CADM2: variants seen among roughly 807,000 people sequenced by gnomAD.
CADM2 encodes immunoglobulin superfamily member 4D.
In CADM2, 12 loss-of-function variants were observed where a neutral mutation model predicts 49.8. The ratio of observed to expected loss-of-function variants is 0.24; its 90% CI spans 0.15 to 0.39. The LOEUF (loss-of-function observed/expected upper bound fraction) is 0.39, where lower values mean the gene tolerates loss of function less well. Ranked by LOEUF, CADM2 falls within the 10% of genes least tolerant of loss-of-function variation. The probability of loss-of-function intolerance (pLI) is 1.00; values close to 1 mark genes in which losing one functional copy is unlikely to be tolerated. For missense variants in CADM2, 378 were observed against 492.3 expected, an observed-to-expected ratio of 0.77 and a Z score of 2.20; for synonymous variants, 214 against 175.4, an observed-to-expected ratio of 1.22 and a Z score of -1.74.
At chr3:84,962,337 T>G (rs1186512628) in intron 1 of CADM2, among the ~76,000 whole-genome samples, 1 of 151,858 alleles carries the variant, frequency 6.6e-6, no homozygotes, top group African/African-American at 2.4e-5. Flanking sequence ...CTTCTCATGT[T>G]TATGGCTGCC....
intron 1 of CADM2, among the ~76,000 whole-genome samples, chr3:85,678,418 A>G (rs989963218): frequency 2.6e-5 from 4 of 152,214 alleles, no homozygotes; most frequent in African/African-American, 9.6e-5. Context: ...GCTTTCAACT[A>G]GCACTGTTCA....
chr3:85,631,104 T>C (rs2064292247), intron 1 of CADM2, among the ~76,000 whole-genome samples: 1 of 152,052 alleles, frequency 6.6e-6, no homozygotes, highest in African/African-American at 2.4e-5. Flanking sequence ...GGGACTTTTG[T>C]TTTCCCTGTT....
At chr3:85,490,696 G>C (rs2039634776) in intron 1 of CADM2, among the ~76,000 whole-genome samples, 1 of 152,146 alleles carries the variant, frequency 6.6e-6, no homozygotes, top group Non-Finnish European at 1.5e-5. Flanking sequence ...ATGACCCACT[G>C]TTATTACTGA....
intron 1 of CADM2, among the ~76,000 whole-genome samples, chr3:85,327,791 A>T (rs757866991): frequency 6.6e-6 from 1 of 152,272 alleles, no homozygotes; most frequent in Admixed American, 6.5e-5. Flanking sequence ...TGTAATTCAT[A>T]CTGCTTCTTG....
At chr3:85,488,361 T>G (rs1559865330) in intron 1 of CADM2, among the ~76,000 whole-genome samples, 1 of 152,166 alleles carries the variant, frequency 6.6e-6, no homozygotes, top group Non-Finnish European at 1.5e-5. Flanking sequence ...AGATTTGATA[T>G]TTTTAAAAAC....
At chr3:85,095,942 A>G (rs1294406193) in intron 1 of CADM2, among the ~76,000 whole-genome samples, 1 of 151,988 alleles carries the variant, frequency 6.6e-6, no homozygotes, top group Non-Finnish European at 1.5e-5. Flanking sequence ...TGCAGTTGAG[A>G]TGGATGCTCG....
At chr3:85,896,633 T>TTA (rs1427314279) in intron 5 of CADM2, among the ~76,000 whole-genome samples, 1 of 152,200 alleles carries the variant, frequency 6.6e-6, no homozygotes, top group Non-Finnish European at 1.5e-5. Context: ...CATTATTTAC[T>TTA]TATTATATAC....
intron 1 of CADM2, among the ~76,000 whole-genome samples, chr3:85,307,742 A>G (rs1409341350): frequency 6.6e-6 from 1 of 151,738 alleles, no homozygotes; most frequent in Non-Finnish European, 1.5e-5. Context: ...TTATGCATAA[A>G]TATTTACATC....
chr3:85,074,862 G>A (rs2036882652), intron 1 of CADM2, among the ~76,000 whole-genome samples: 2 of 151,614 alleles, frequency 1.3e-5, no homozygotes, highest in African/African-American at 4.8e-5. Context: ...TGAGAAAAAT[G>A]GAATAAGTAT....
In CADM2 at chr3:85,211,846, T is replaced by C. The variant is rs866147776; in HGVS notation, c.61+252178T>C. ...ATGTTTCTTTTTTTGATTTTCTGTC[T>C]GGATGATTTTTCAAATGCAGAAAGT... On this transcript the variant is annotated intron_variant, in intron 1 of 9. Coordinates refer to ENST00000383699, the MANE Select transcript of CADM2 (RefSeq NM_001167675.2). Among the ~76,000 whole-genome samples the C allele has an allele frequency of 8.5e-5, 13 of 152,232 alleles. No individual in the cohort carries two copies. The Middle Eastern group carries it at 0.014, about 159-fold the overall frequency.
At chr3:85,846,017 A>C (rs1490025642) in intron 3 of CADM2, among the ~76,000 whole-genome samples, 1 of 152,066 alleles carries the variant, frequency 6.6e-6, no homozygotes, top group Non-Finnish European at 1.5e-5. Flanking sequence ...TCCAGGACAG[A>C]GGAGGATTCC....
In CADM2 at chr3:85,912,297, T is replaced by C. The variant is rs954513313; in HGVS notation, c.530-76T>C. On this transcript the variant is annotated intron_variant, in intron 5 of 9. Transcript: ENST00000383699. ...ATTGATAAAAATAGGGAGAAGCTGT[T>C]TCCATTATCTTGAGTAAATGCAATC... 9 of 1,052,442 alleles carry C rather than the reference T, an allele frequency of 8.6e-6. No homozygotes were observed. In the African/African-American group the frequency reaches 9.8e-5, roughly 11 times the overall value. 65.2% of individuals were successfully genotyped at this position (1,052,442 alleles called of 1,614,324 possible).
At chr3:85,605,166 A>G (rs567134449) in intron 1 of CADM2, among the ~76,000 whole-genome samples, 1 of 152,162 alleles carries the variant, frequency 6.6e-6, no homozygotes, top group African/African-American at 2.4e-5. Context: ...TGTGTATAGA[A>G]CGCAAGGGTG....
At chr3:85,984,125 A>C (rs911357597) in intron 8 of CADM2, among the ~76,000 whole-genome samples, 8 of 149,718 alleles carry the variant, frequency 5.3e-5, no homozygotes, top group African/African-American at 1.9e-4. Context: ...TGATGTGTAC[A>C]ATTATTCCGA....
At chr3:84,980,677 C>T (rs1195147862) in intron 1 of CADM2, among the ~76,000 whole-genome samples, 2 of 152,148 alleles carry the variant, frequency 1.3e-5, no homozygotes, top group African/African-American at 2.4e-5. Context: ...CAGGCATGAC[C>T]TGTGTTCTTT....
intron 1 of CADM2, among the ~76,000 whole-genome samples, chr3:85,018,818 TATAAC>T (rs1241471508): frequency 6.6e-6 from 1 of 152,190 alleles, no homozygotes; most frequent in Admixed American, 6.5e-5. Flanking sequence ...TGCTAATTGA[TATAAC>T]AAACAACTCC....
At chr3:85,666,048 G>T (rs1041624057) in intron 1 of CADM2, among the ~76,000 whole-genome samples, 1 of 151,984 alleles carries the variant, frequency 6.6e-6, no homozygotes, top group Non-Finnish European at 1.5e-5. Flanking sequence ...CAAAGTCTCA[G>T]AATGCAAAAT....
At chr3:85,080,391 G>GA (rs2037118268) in intron 1 of CADM2, among the ~76,000 whole-genome samples, 1 of 151,878 alleles carries the variant, frequency 6.6e-6, no homozygotes, top group South Asian at 2.1e-4. Context: ...TTTAAATGCT[G>GA]AAAAAAGGAG....
intron 1 of CADM2, among the ~76,000 whole-genome samples, chr3:85,642,550 T>C (rs778000297): frequency 6.6e-6 from 1 of 152,116 alleles, no homozygotes; most frequent in Non-Finnish European, 1.5e-5. Context: ...GACAAGAAAT[T>C]TAGTTTAAGA....
Sources: gnomAD v4.1 joint callset for allele counts (sites outside exome capture counted in the v4.1 genomes callset) on GRCh38, gnomAD v4.1.1 for gene constraint, MANE v1.5 for transcripts, NCBI Gene and HGNC (gene_info 2026-07-23, HGNC 2026-07-21) for gene names.